ARVCF: variants seen among roughly 807,000 people sequenced by gnomAD.
The protein encoded by ARVCF is splicing regulator ARVCF.
Under a neutral mutation model 90.9 loss-of-function variants are expected in ARVCF, and 66 were observed. The observed-to-expected ratio is 0.73, with a 90% CI of 0.60 to 0.89. The LOEUF (loss-of-function observed/expected upper bound fraction) is 0.89. ARVCF is among the 40% of genes least tolerant of loss of function. The pLI is 0.00. For synonymous variants in ARVCF, 653 were observed against 603.4 expected, an observed-to-expected ratio of 1.08 and a Z score of -1.21; for missense variants, 1,469 against 1,382.3, an observed-to-expected ratio of 1.06 and a Z score of -1.00.
In ARVCF at chr22:19,974,354, G is replaced by A. The variant is rs1311695609; in HGVS notation, c.1961-115C>T. 3 of 1,283,938 alleles carry A rather than the reference G, an allele frequency of 2.3e-6. No individual in the cohort carries two copies. The East Asian group carries it at 7.7e-5, about 33-fold the overall frequency. The allele number at this position is 1,283,938 out of a possible 1,614,324, so 79.5% of individuals were successfully genotyped here. A position where few individuals can be genotyped will look rare whatever the true frequency, so the allele number is the denominator to read the frequency against. On this transcript the variant is annotated intron_variant, in intron 11 of 19. Coordinates refer to ENST00000263207, the MANE Select transcript of ARVCF (RefSeq NM_001670.3). Reference sequence around the variant, plus strand: ...GCGTGGGTGAGCTGGGGCCAGGGATGGGTGTGGATGAGTCACGTAATATTT... The same window carrying A: ...GCGTGGGTGAGCTGGGGCCAGGGATAGGTGTGGATGAGTCACGTAATATTT...
In ARVCF at chr22:19,973,776, G is replaced by GCGGATGTA. The variant is rs775681993; in HGVS notation, c.2098_2105dup (p.Ala703ThrfsTer164). The GCGGATGTA allele has an allele frequency of 6.8e-6, 11 of 1,606,332 alleles. No individual in the cohort carries two copies. The highest frequency in any genetic ancestry group is 9.3e-6 in the Non-Finnish European group (11 of 1,179,562). On this transcript the variant is annotated frameshift_variant, in exon 13 of 20. Transcript: ENST00000263207. LOFTEE classifies it high-confidence loss of function. Reference sequence around the variant, plus strand: ...GCCCGCGCTCTTTGCGCACTGTGGCGCGGATGTACGTGGCCCACTGCGGAG... The same window carrying GCGGATGTA: ...GCCCGCGCTCTTTGCGCACTGTGGCGCGGATGTACGGATGTACGTGGCCCACTGCGGAG...
chr22:19,997,381 T>A (rs542643145), intron 2 of ARVCF, among the ~76,000 whole-genome samples: 1 of 152,146 alleles, frequency 6.6e-6, no homozygotes, highest in South Asian at 2.1e-4. Flanking sequence ...GGGCTTAAGA[T>A]TCTCAATCCA....
rs569834148 is a variant in ARVCF, at chr22:20,014,426, C to T, written c.-73+2163G>A. ...GCCAGGCTAGTGTCAAACTCCTGACCTCAGGTGATCCACCTGCCTTGGCCT... is the reference window on the plus strand; with the variant it reads ...GCCAGGCTAGTGTCAAACTCCTGACTTCAGGTGATCCACCTGCCTTGGCCT... On this transcript the variant is annotated intron_variant, in intron 1 of 19. Transcript: ENST00000263207. Among the ~76,000 whole-genome samples, 11 of 152,340 alleles carry T rather than the reference C, an allele frequency of 7.2e-5. No homozygotes were observed. The East Asian group carries it at 2.1e-3, about 29-fold the overall frequency.
chr22:19,986,320 C>T (rs749935669), intron 3 of ARVCF, among the ~76,000 whole-genome samples: 9 of 152,202 alleles, frequency 5.9e-5, no homozygotes, highest in Non-Finnish European at 1.0e-4. Flanking sequence ...GGAGACCTGC[C>T]TCCCACCACA....
intron 15 of ARVCF, 42 bp from the exon 16 acceptor site, chr22:19,972,869 G>C (rs750389520): frequency 1.9e-6 from 3 of 1,613,704 alleles, no homozygotes; most frequent in Non-Finnish European, 2.5e-6. Context: ...GAAGCACATG[G>C]AGTGGGAATA....
rs116067574 is a variant in ARVCF at position 20,007,551 on chromosome 22, A to G, written c.-19+2904T>C. On this transcript the variant is annotated intron_variant, in intron 2 of 19. Transcript: ENST00000263207. ...TCACGTGTTGGAAACTTAATTCCCA[A>G]CGCAACAGTGTTGAAGGTAGGACCT... Among the ~76,000 whole-genome samples the G allele has an allele frequency of 2.9e-3, 437 of 152,360 alleles. 5 individuals carry two copies. The highest frequency in any genetic ancestry group is 0.01 in the African/African-American group (425 of 41,574).
chr22:19,987,079 G>T, intron 3 of ARVCF: 1 of 618,514 alleles, frequency 1.6e-6, no homozygotes, highest in Non-Finnish European at 2.9e-6. Flanking sequence ...CAACCTGTCT[G>T]AGTTCGGCCG....
chr22:19,979,269 A>C, intron 6 of ARVCF, 189 bp from the exon 7 acceptor site: 1 of 647,520 alleles, frequency 1.5e-6, no homozygotes, highest in Non-Finnish European at 2.6e-6. Flanking sequence ...AGGAGCCCCA[A>C]AGGGGAGGAG....
At chr22:20,005,443 A>G (rs2146468460) in intron 2 of ARVCF, among the ~76,000 whole-genome samples, 1 of 152,304 alleles carries the variant, frequency 6.6e-6, no homozygotes, top group Non-Finnish European at 1.5e-5. Flanking sequence ...GTGGGAATGT[A>G]AGATCAGTAT....
chr22:19,967,775 C>G, downstream of ARVCF: 3 of 234,286 alleles, frequency 1.3e-5, no homozygotes, highest in South Asian at 1.5e-4. Flanking sequence ...CCTGGTAGGT[C>G]CTTCCTCCCC....
chr22:19,987,280 C>G (rs954545569), intron 3 of ARVCF: 12 of 140,332 alleles, frequency 8.6e-5, no homozygotes, highest in African/African-American at 3.0e-4. Flanking sequence ...GTGGCGGGGG[C>G]CGGGGTGGGC....
Position 19,990,586 on chromosome 22 carries a change from T to G in ARVCF, c.209A>C (p.Gln70Pro). 6.2e-7 allele frequency: 1 copy of G among 1,605,614 alleles called. No homozygotes were observed. Among genetic ancestry groups the G allele is most frequent in the Non-Finnish European group, 8.5e-7 (1 of 1,175,256 alleles). The change falls in exon 3 of 20, where the codon CAG (glutamine) becomes CCG (proline). Residue 70 changes from glutamine to proline, a missense_variant and splice_region_variant. Gln to Pro is a moderately conservative substitution (Grantham distance 76). Coordinates refer to ENST00000263207, the MANE Select transcript of ARVCF (RefSeq NM_001670.3). ...CTTCCCAAGTCACTAGGCTGTTACC[T>G]GGAGGACCAGCTGTTGCCAGGCCAT... ...LPMAWQQLVLQEQSPGSQASL... is the reference protein window; with the variant it reads ...LPMAWQQLVLPEQSPGSQASL...
intron 2 of ARVCF, among the ~76,000 whole-genome samples, chr22:19,996,300 C>T (rs1944247828): frequency 6.7e-6 from 1 of 149,832 alleles, no homozygotes; most frequent in African/African-American, 2.5e-5. Context: ...GAGAATGAAA[C>T]TTTCTGTATA....
chr22:20,005,610 G>C (rs951922323), intron 2 of ARVCF, among the ~76,000 whole-genome samples: 3 of 152,110 alleles, frequency 2.0e-5, no homozygotes, highest in African/African-American at 4.8e-5. Flanking sequence ...ACAAGGTCAG[G>C]AGATCGAGAC....
intron 16 of ARVCF, 109 bp from the exon 17 acceptor site, chr22:19,972,520 A>T (rs954503442): frequency 1.4e-6 from 2 of 1,407,184 alleles, no homozygotes; most frequent in African/African-American, 2.8e-5. Context: ...TCTGTCACTA[A>T]GGTGCCCAAC....
At chr22:20,008,255 A>T (rs1410341272) in intron 2 of ARVCF, among the ~76,000 whole-genome samples, 1 of 152,190 alleles carries the variant, frequency 6.6e-6, no homozygotes, top group Non-Finnish European at 1.5e-5. Context: ...CTGCAGGCAC[A>T]CGGCGGCTGA....
intron 2 of ARVCF, among the ~76,000 whole-genome samples, chr22:20,001,702 G>A (rs1944451681): frequency 6.6e-6 from 1 of 152,130 alleles, no homozygotes; most frequent in Admixed American, 6.5e-5. Context: ...AGCTACTCAG[G>A]ACTGAGGCTG....
intron 2 of ARVCF, among the ~76,000 whole-genome samples, chr22:20,004,377 T>C (rs975308197): frequency 4.6e-5 from 7 of 151,802 alleles, no homozygotes; most frequent in Non-Finnish European, 8.8e-5. Flanking sequence ...TAATCCTAGC[T>C]AGTCAGAGGC....
chr22:19,972,236 C>A (rs1569145177), intron 17 of ARVCF, 122 bp downstream of exon 17: 5 of 1,367,054 alleles, frequency 3.7e-6, no homozygotes, highest in Non-Finnish European at 4.1e-6. Flanking sequence ...CCTCTAAGCA[C>A]CCCTAAACCA....
Sources: allele counts gnomAD v4.1 joint callset (sites outside exome capture counted in the v4.1 genomes callset), GRCh38; gene constraint gnomAD v4.1.1; transcripts MANE v1.5; gene names NCBI Gene and HGNC (gene_info 2026-07-23, HGNC 2026-07-21).